The following IMPA2 variants were observed in gnomAD, a reference collection of about 807,000 sequenced individuals.
IMPA2 encodes inositol monophosphatase 2.
In IMPA2, 32 loss-of-function variants were observed where a neutral mutation model predicts 35.1. The observed-to-expected ratio is 0.91, with a 90% confidence interval of 0.69 to 1.23. The LOEUF (loss-of-function observed/expected upper bound fraction) is 1.23, where lower values mean the gene tolerates loss of function less well. Ranked by LOEUF, IMPA2 falls within the 50% of genes most tolerant of loss-of-function variation. The pLI is 0.00. For missense variants in IMPA2, 334 were observed against 387.6 expected, an observed-to-expected ratio of 0.86 and a Z score of 1.16; for synonymous variants, 135 against 160.6, an observed-to-expected ratio of 0.84 and a Z score of 1.20.
intron 2 of IMPA2, among the ~76,000 whole-genome samples, chr18:12,007,621 TTTCTTTC>T (rs1343125396): frequency 5.2e-5 from 5 of 97,070 alleles, no homozygotes; most frequent in African/African-American, 9.0e-5. Context: ...TTTCTTTCTT[TTTCTTTC>T]TTCTTTCTTT....
intron 5 of IMPA2, chr18:12,017,792 A>G (rs8086120): frequency 0.77 from 258,443 of 337,542 alleles, 100,170 homozygotes; most frequent in Non-Finnish European, 0.82. Flanking sequence ...GGGTTTCACC[A>G]TGTTGGCCAG....
At chr18:12,006,368 T>C (rs1303303102) in intron 2 of IMPA2, among the ~76,000 whole-genome samples, 1 of 152,206 alleles carries the variant, frequency 6.6e-6, no homozygotes, top group African/African-American at 2.4e-5. Context: ...CCTAGAAGCA[T>C]GTGGACAACT....
chr18:12,029,077 A>C (rs1907968066), intron 7 of IMPA2, 84 bp downstream of exon 7: 2 of 1,175,142 alleles, frequency 1.7e-6, no homozygotes, highest in Non-Finnish European at 2.3e-6. Context: ...AGTCCCCACC[A>C]ACTGAATTTC....
intron 5 of IMPA2, among the ~76,000 whole-genome samples, chr18:12,023,217 C>T (rs142877983): frequency 3.5e-4 from 54 of 152,266 alleles, no homozygotes; most frequent in African/African-American, 1.3e-3. Flanking sequence ...AACAGGAAAA[C>T]TATGGAAGAA....
At chr18:12,018,366 C>T (rs928825745) in intron 5 of IMPA2, 22 of 152,342 alleles carry the variant, frequency 1.4e-4, no homozygotes, top group African/African-American at 4.8e-4. Flanking sequence ...GCTGCATCCT[C>T]ATTGGGATAG....
intron 5 of IMPA2, among the ~76,000 whole-genome samples, chr18:12,020,705 A>T (rs983953024): frequency 2.0e-5 from 3 of 152,020 alleles, no homozygotes; most frequent in African/African-American, 7.3e-5. Flanking sequence ...TGCAAAGCAT[A>T]ATCTCTTGTG....
At chr18:11,987,519 C>T (rs1399353075) in intron 1 of IMPA2, among the ~76,000 whole-genome samples, 1 of 151,830 alleles carries the variant, frequency 6.6e-6, no homozygotes, top group African/African-American at 2.4e-5. Context: ...TTAGTAGAGA[C>T]GGCGTTTCAC....
intron 1 of IMPA2, among the ~76,000 whole-genome samples, chr18:11,990,342 T>C (rs939286844): frequency 1.5e-5 from 2 of 137,482 alleles, no homozygotes; most frequent in Non-Finnish European, 3.1e-5. Context: ...AAGTCACAGC[T>C]GAGTGTGTCT....
intron 1 of IMPA2, among the ~76,000 whole-genome samples, chr18:11,995,341 C>T (rs1436584659): frequency 1.4e-4 from 21 of 152,202 alleles, no homozygotes; most frequent in Admixed American, 7.2e-4. Context: ...GGATGTGACT[C>T]GGAAGTTGCA....
intron 1 of IMPA2, among the ~76,000 whole-genome samples, chr18:11,995,733 C>T (rs1327229157): frequency 6.6e-6 from 1 of 152,118 alleles, no homozygotes; most frequent in African/African-American, 2.4e-5. Context: ...GATGGAAGCA[C>T]TGGATCTTTT....
At chr18:12,005,719 CG>C (rs1907229956) in intron 2 of IMPA2, among the ~76,000 whole-genome samples, 4 of 152,140 alleles carry the variant, frequency 2.6e-5, no homozygotes, top group Admixed American at 2.6e-4. Flanking sequence ...CTGGGAGGCA[CG>C]TGGGCATGCC....
At chr18:12,003,061 A>G (rs975666196) in intron 2 of IMPA2, among the ~76,000 whole-genome samples, 1 of 151,654 alleles carries the variant, frequency 6.6e-6, no homozygotes, top group African/African-American at 2.4e-5. Flanking sequence ...TGGGCATGGT[A>G]GTGCGTGCCT....
Position 11,984,647 on chromosome 18 carries a change from A to G in IMPA2, c.96+2882A>G, listed in dbSNP as rs186105391. On this transcript the variant is annotated intron_variant, in intron 1 of 7. Coordinates refer to ENST00000269159, the MANE Select transcript of IMPA2 (RefSeq NM_014214.3). ...CTGAGGTCGGGAATTTGAGACCAAT[A>G]TAGTGAAACCCCATCTCTACTAAAA... is the stretch of plus-strand genomic sequence containing the variant. 3.2e-4 allele frequency among the ~76,000 whole-genome samples: 49 copies of G among 151,816 alleles called. No homozygotes were observed. In the East Asian group the frequency reaches 8.3e-3, roughly 26 times the overall value.
chr18:11,997,642 C>T (rs1477545289), intron 1 of IMPA2, among the ~76,000 whole-genome samples: 1 of 152,074 alleles, frequency 6.6e-6, no homozygotes, highest in Non-Finnish European at 1.5e-5. Flanking sequence ...TGTAGAATTC[C>T]CCGTGTGCTT....
rs200696549 is a variant in IMPA2 at position 12,028,199 on chromosome 18, C to T, written c.599+48C>T. The T allele has an allele frequency of 3.2e-4, 400 of 1,261,918 alleles. 3 individuals carry two copies. The African/African-American group carries it at 5.2e-3, about 16-fold the overall frequency. The allele number at this position is 1,261,918 out of a possible 1,614,324, so 78.2% of individuals were successfully genotyped here. ...CACCCTGCAGCCCGAGGAGGAAGAA[C>T]GGAACACGGACTTGCTAAAACTCCC... On this transcript the variant is annotated intron_variant, in intron 6 of 7. Coordinates refer to ENST00000269159, the MANE Select transcript of IMPA2 (RefSeq NM_014214.3).
At chr18:12,029,108 GTTTTTT>G (rs1158665365) in intron 7 of IMPA2, 115 bp downstream of exon 7, 268 of 266,958 alleles carry the variant, frequency 1.0e-3, no homozygotes, top group East Asian at 3.6e-3. Context: ...CAGAGTTTCT[GTTTTTT>G]TTTTTTTTTT....
In IMPA2 at chr18:11,981,518, C is replaced by T; in HGVS notation, c.-152C>T. The T allele has an allele frequency of 2.2e-6, 1 of 460,464 alleles. No individual in the cohort carries two copies. The highest frequency in any genetic ancestry group is 3.5e-6 in the Non-Finnish European group (1 of 285,884). 28.5% of individuals were successfully genotyped at this position (460,464 alleles called of 1,614,324 possible). On this transcript the variant is annotated 5_prime_UTR_variant, in exon 1 of 8. Coordinates refer to ENST00000269159, the MANE Select transcript of IMPA2 (RefSeq NM_014214.3). Reference sequence around the variant, plus strand: ...CGCGGCCCGCTGGCTGCCCTTCCCGCCAGCGCAGGTGTGGGACGGGCGGCG... The same window carrying T: ...CGCGGCCCGCTGGCTGCCCTTCCCGTCAGCGCAGGTGTGGGACGGGCGGCG...
chr18:11,981,538 G>A lies in IMPA2; in HGVS notation c.-132G>A, dbSNP rs1253628967. 1.8e-6 allele frequency: 1 copy of A among 541,160 alleles called. No homozygotes were observed. The highest frequency in any genetic ancestry group is 2.8e-6 in the Non-Finnish European group (1 of 359,522). 33.5% of individuals were successfully genotyped at this position (541,160 alleles called of 1,614,324 possible). On this transcript the variant is annotated 5_prime_UTR_variant, in exon 1 of 8. Coordinates refer to ENST00000269159, the MANE Select transcript of IMPA2 (RefSeq NM_014214.3). ...TCCCGCCAGCGCAGGTGTGGGACGGGCGGCGGACTAGGCACAGAGCTGCGG... is the reference window on the plus strand; with the variant it reads ...TCCCGCCAGCGCAGGTGTGGGACGGACGGCGGACTAGGCACAGAGCTGCGG...
chr18:12,025,448 G>A (rs2143825471), intron 5 of IMPA2, among the ~76,000 whole-genome samples: 1 of 152,350 alleles, frequency 6.6e-6, no homozygotes, highest in Admixed American at 6.5e-5. Flanking sequence ...AAACTGCCAA[G>A]CTATCCTCCA....
Sources: gnomAD v4.1 joint callset for allele counts (sites outside exome capture counted in the v4.1 genomes callset) on GRCh38, gnomAD v4.1.1 for gene constraint, MANE v1.5 for transcripts, NCBI Gene and HGNC (gene_info 2026-07-23, HGNC 2026-07-21) for gene names.